Variants in MPPED2 observed in about 807,000 individuals in gnomAD.
MPPED2 encodes metallophosphoesterase domain containing 2.
Under a neutral mutation model 33.0 loss-of-function variants are expected in MPPED2, and 5 were observed. That is an observed-to-expected ratio of 0.15 (90% confidence interval 0.08 to 0.32). MPPED2 has a LOEUF of 0.32. MPPED2 is among the 10% of genes least tolerant of loss of function. The probability of loss-of-function intolerance (pLI) is 1.00; values close to 1 mark genes in which losing one functional copy is unlikely to be tolerated. For missense variants in MPPED2, 275 were observed against 372.1 expected, an observed-to-expected ratio of 0.74 and a Z score of 2.15; for synonymous variants, 136 against 141.9, an observed-to-expected ratio of 0.96 and a Z score of 0.29.
At chr11:30,481,539 G>A (rs1951487426) in intron 4 of MPPED2, among the ~76,000 whole-genome samples, 1 of 152,084 alleles carries the variant, frequency 6.6e-6, no homozygotes, top group Admixed American at 6.6e-5. Context: ...CAAGCTCCAA[G>A]GACTAATCAC....
Position 30,476,427 on chromosome 11 carries a change from T to C in MPPED2, c.536+18869A>G, listed in dbSNP as rs924518851. Among the ~76,000 whole-genome samples, 3 of 152,032 alleles carry C rather than the reference T, an allele frequency of 2.0e-5. No individual in the cohort carries two copies. The South Asian group carries it at 6.2e-4, about 31-fold the overall frequency. On this transcript the variant is annotated intron_variant, in intron 4 of 6. Transcript: ENST00000358117. Reference sequence around the variant, plus strand: ...AAGTGTAAGATCTGTTTTGTAATTATTTTTGTATGTGGTATGAGGTAAAGG... The same window carrying C: ...AAGTGTAAGATCTGTTTTGTAATTACTTTTGTATGTGGTATGAGGTAAAGG...
chr11:30,469,928 T>C (rs1185681471), intron 4 of MPPED2, among the ~76,000 whole-genome samples: 1 of 152,144 alleles, frequency 6.6e-6, no homozygotes, highest in Non-Finnish European at 1.5e-5. Flanking sequence ...TCATGGAAGG[T>C]ACCCAGAGAA....
chr11:30,529,135 T>C lies in MPPED2; in HGVS notation c.310+6859A>G, dbSNP rs984081064. Among the ~76,000 whole-genome samples, 3 of 152,186 alleles carry C rather than the reference T, an allele frequency of 2.0e-5. No homozygotes were observed. In the East Asian group the frequency reaches 5.8e-4, roughly 29 times the overall value. On this transcript the variant is annotated intron_variant, in intron 3 of 6. Coordinates refer to ENST00000358117, the MANE Select transcript of MPPED2 (RefSeq NM_001584.3). Reference sequence around the variant, plus strand: ...CTGACACAGAGCATGATGTGTTCATTTTTTAAGTTACAAGATTACACTCAT... The same window carrying C: ...CTGACACAGAGCATGATGTGTTCATCTTTTAAGTTACAAGATTACACTCAT...
chr11:30,543,060 A>G (rs1023715064), intron 2 of MPPED2, among the ~76,000 whole-genome samples: 23 of 152,180 alleles, frequency 1.5e-4, no homozygotes, highest in Admixed American at 1.4e-3. Flanking sequence ...TGAAGTAATG[A>G]CTTCTCCTAA....
chr11:30,556,812 T>C (rs1280490908), intron 2 of MPPED2, among the ~76,000 whole-genome samples: 1 of 152,192 alleles, frequency 6.6e-6, no homozygotes, highest in African/African-American at 2.4e-5. Context: ...TTATCATTTC[T>C]GTAGATTTTG....
At position 30,410,323 on chromosome 11, in the gene MPPED2, A is replaced by G. The variant is rs1425999799; in HGVS notation, c.*1145T>C. Reference sequence around the variant, plus strand: ...ACTGCTTTCCTAAATTTCATTAACAAAGTAACATAAAATAGAATAAAGCTC... The same window carrying G: ...ACTGCTTTCCTAAATTTCATTAACAGAGTAACATAAAATAGAATAAAGCTC... On this transcript the variant is annotated 3_prime_UTR_variant, in exon 7 of 7. Coordinates refer to ENST00000358117, the MANE Select transcript of MPPED2 (RefSeq NM_001584.3). The G allele has an allele frequency of 8.1e-6, 8 of 985,302 alleles. No individual in the cohort carries two copies. Among genetic ancestry groups the G allele is most frequent in the Middle Eastern group, 1.0e-3 (2 of 1,934 alleles). 61.0% of individuals were successfully genotyped at this position (985,302 alleles called of 1,614,324 possible).
chr11:30,549,939 G>A (rs1310027723), intron 2 of MPPED2, among the ~76,000 whole-genome samples: 2 of 152,178 alleles, frequency 1.3e-5, no homozygotes, highest in African/African-American at 2.4e-5. Context: ...GGGTGGCCAA[G>A]GGGGCATGTT....
At chr11:30,498,630 A>G (rs1441941191) in intron 3 of MPPED2, among the ~76,000 whole-genome samples, 1 of 152,134 alleles carries the variant, frequency 6.6e-6, no homozygotes, top group Non-Finnish European at 1.5e-5. Flanking sequence ...AATGGTACAC[A>G]AGATTATTTT....
At chr11:30,459,811 GAACTGAACA>G (rs1950445903) in intron 4 of MPPED2, among the ~76,000 whole-genome samples, 1 of 152,224 alleles carries the variant, frequency 6.6e-6, no homozygotes, top group Non-Finnish European at 1.5e-5. Flanking sequence ...TGGAAATCCT[GAACTGAACA>G]TGTGTATTGT....
intron 5 of MPPED2, among the ~76,000 whole-genome samples, chr11:30,415,552 C>G (rs1004383421): frequency 6.6e-6 from 1 of 152,160 alleles, no homozygotes; most frequent in Non-Finnish European, 1.5e-5. Flanking sequence ...TCCAATGTCA[C>G]GTTTTCACAA....
intron 4 of MPPED2, among the ~76,000 whole-genome samples, chr11:30,481,387 A>T (rs765334762): frequency 7.9e-5 from 12 of 152,124 alleles, no homozygotes; most frequent in Non-Finnish European, 1.8e-4. Context: ...CAGTGCAATC[A>T]GCGTATAAAA....
At chr11:30,466,434 C>T (rs1451415025) in intron 4 of MPPED2, among the ~76,000 whole-genome samples, 1 of 152,190 alleles carries the variant, frequency 6.6e-6, no homozygotes, top group African/African-American at 2.4e-5. Context: ...GGAAGAGGTG[C>T]TGCTCAGCTG....
chr11:30,470,523 C>T (rs11031105), intron 4 of MPPED2, among the ~76,000 whole-genome samples: 5 of 151,896 alleles, frequency 3.3e-5, no homozygotes, highest in African/African-American at 4.8e-5. Context: ...TAAAATTGAC[C>T]GTGGTAATGA....
intron 4 of MPPED2, among the ~76,000 whole-genome samples, chr11:30,468,765 T>G (rs1389323092): frequency 6.6e-6 from 1 of 152,168 alleles, no homozygotes; most frequent in African/African-American, 2.4e-5. Context: ...TTATCTTCAA[T>G]GATTACACAA....
At chr11:30,498,809 T>C (rs1052862244) in intron 3 of MPPED2, among the ~76,000 whole-genome samples, 4 of 152,172 alleles carry the variant, frequency 2.6e-5, no homozygotes, top group Admixed American at 6.5e-5. Flanking sequence ...TCAAGAAAAT[T>C]ACTGAGCAAA....
chr11:30,515,283 C>T (rs912268238), intron 3 of MPPED2, among the ~76,000 whole-genome samples: 4 of 152,062 alleles, frequency 2.6e-5, no homozygotes, highest in South Asian at 2.1e-4. Context: ...TCCCCAATCC[C>T]GGCAATCCAT....
At chr11:30,430,734 G>A (rs1458732) in intron 4 of MPPED2, among the ~76,000 whole-genome samples, 37,658 of 152,198 alleles carry the variant, frequency 0.25, 5,400 homozygotes, top group Non-Finnish European at 0.33. Flanking sequence ...AATTTGCCAT[G>A]ATTGGAATAT....
chr11:30,487,825 C>T (rs949525583), intron 4 of MPPED2, among the ~76,000 whole-genome samples: 1 of 151,246 alleles, frequency 6.6e-6, no homozygotes, highest in Non-Finnish European at 1.5e-5. Flanking sequence ...TTTTCTCTTC[C>T]CTCAATGATC....
chr11:30,405,287 G>A (rs189601592), downstream of MPPED2, among the ~76,000 whole-genome samples: 4 of 152,310 alleles, frequency 2.6e-5, no homozygotes, highest in African/African-American at 7.2e-5. Flanking sequence ...ACAGAAATGG[G>A]CTATGAAATC....
Sources: allele counts gnomAD v4.1 joint callset (sites outside exome capture counted in the v4.1 genomes callset), GRCh38; gene constraint gnomAD v4.1.1; transcripts MANE v1.5; gene names NCBI Gene and HGNC (gene_info 2026-07-23, HGNC 2026-07-21).